The following BNC2 variants were observed in gnomAD, a reference collection of about 807,000 sequenced individuals.
BNC2 encodes basonuclin zinc finger protein 2, also known as zinc finger protein basonuclin-2.
In BNC2, 20 loss-of-function variants were observed where a neutral mutation model predicts 76.3. The observed-to-expected ratio is 0.26, with a 90% CI of 0.18 to 0.38. The LOEUF is 0.38. Ranked by LOEUF, BNC2 falls within the 10% of genes least tolerant of loss-of-function variation. The pLI is 1.00. For missense variants in BNC2, 1,382 were observed against 1,399.8 expected (o/e 0.99, Z 0.20); for synonymous variants, 582 against 514.8 (o/e 1.13, Z -1.77).
rs1234119765 is a variant in BNC2, at chr9:16,522,652, TA to T, written c.669+29877del. On this transcript the variant is annotated intron_variant, in intron 5 of 6. Coordinates refer to ENST00000380672, the MANE Select transcript of BNC2 (RefSeq NM_017637.6). The stretch of plus-strand genomic sequence containing the variant: ...GTGTTTTTTAAGGTTTGAAGCTTTT[TA>T]AAAGAGTTTTAATGTTAAAAACGAT... Among the ~76,000 whole-genome samples the T allele has an allele frequency of 2.6e-5, 4 of 152,336 alleles. No homozygotes were observed. In the South Asian group the frequency reaches 8.3e-4, roughly 32 times the overall value.
At chr9:16,726,002 GCA>G (rs3083820) in intron 3 of BNC2, among the ~76,000 whole-genome samples, 34,152 of 151,138 alleles carry the variant, frequency 0.23, 4,117 homozygotes, top group East Asian at 0.37. Flanking sequence ...ACACACACAC[GCA>G]CACACACACA....
chr9:16,697,737 T>G (rs1237364570), intron 3 of BNC2, among the ~76,000 whole-genome samples: 2 of 150,272 alleles, frequency 1.3e-5, no homozygotes, highest in East Asian at 3.9e-4. Flanking sequence ...AAAAAAAAAG[T>G]ATAGAATGAT....
intron 5 of BNC2, among the ~76,000 whole-genome samples, chr9:16,496,095 G>C (rs1179265970): frequency 6.6e-6 from 1 of 151,752 alleles, no homozygotes; most frequent in African/African-American, 2.4e-5. Context: ...TTTTAGTAGA[G>C]ACAGGGTTTC....
chr9:16,845,236 T>C (rs1818940511), intron 1 of BNC2, among the ~76,000 whole-genome samples: 1 of 152,206 alleles, frequency 6.6e-6, no homozygotes. Context: ...CCTGCATTAA[T>C]TTGACTGACA....
chr9:16,812,523 A>T (rs149641039), intron 1 of BNC2, among the ~76,000 whole-genome samples: 44 of 152,348 alleles, frequency 2.9e-4, no homozygotes, highest in African/African-American at 9.9e-4. Flanking sequence ...ACCTCGTGTC[A>T]TTACCACAGG....
Position 16,618,824 on chromosome 9 carries a change from G to A in BNC2, c.331-35739C>T, listed in dbSNP as rs375938211. On this transcript the variant is annotated intron_variant, in intron 3 of 6. Transcript: ENST00000380672. ...AGCTGAGTGGTTTCATAAAGGTGGA[G>A]GACAACAGTTGCAGCTCAAACAGTC... is the stretch of plus-strand genomic sequence containing the variant. 1.8e-3 allele frequency among the ~76,000 whole-genome samples: 269 copies of A among 152,236 alleles called. 2 individuals are homozygous for A. Among genetic ancestry groups the A allele is most frequent in the African/African-American group, 6.0e-3 (249 of 41,536 alleles).
chr9:16,779,630 T>C (rs1826067472), intron 1 of BNC2, among the ~76,000 whole-genome samples: 1 of 152,090 alleles, frequency 6.6e-6, no homozygotes, highest in African/African-American at 2.4e-5. Flanking sequence ...CTGTGACCTA[T>C]CCATACAATG....
chr9:16,508,614 C>T (rs923816112), intron 5 of BNC2, among the ~76,000 whole-genome samples: 1 of 152,144 alleles, frequency 6.6e-6, no homozygotes, highest in Admixed American at 6.5e-5. Context: ...AAATTTTCAT[C>T]CTATTGTTCC....
chr9:16,834,829 A>G (rs559553055), intron 1 of BNC2, among the ~76,000 whole-genome samples: 16 of 152,188 alleles, frequency 1.1e-4, no homozygotes, highest in Non-Finnish European at 1.9e-4. Context: ...GTATGAAAAC[A>G]GATTCCCCCA....
At chr9:16,465,050 G>A (rs1001642045) in intron 5 of BNC2, among the ~76,000 whole-genome samples, 6 of 152,242 alleles carry the variant, frequency 3.9e-5, no homozygotes, top group South Asian at 4.1e-4. Context: ...ATGGCTCCCT[G>A]TCTTCCAGAA....
At chr9:16,647,610 T>G (rs1361400107) in intron 3 of BNC2, among the ~76,000 whole-genome samples, 1 of 152,118 alleles carries the variant, frequency 6.6e-6, no homozygotes, top group Non-Finnish European at 1.5e-5. Flanking sequence ...TTGATCCAAG[T>G]GCAACCATGA....
At chr9:16,850,356 T>C (rs923023998) in intron 1 of BNC2, among the ~76,000 whole-genome samples, 1 of 152,204 alleles carries the variant, frequency 6.6e-6, no homozygotes, top group East Asian at 1.9e-4. Flanking sequence ...GCACAAAATA[T>C]GATACCAATT....
intron 5 of BNC2, chr9:16,473,208 T>C (rs1045145328): frequency 6.6e-6 from 1 of 152,226 alleles, no homozygotes; most frequent in South Asian, 2.1e-4. Context: ...ATTAGCATTA[T>C]ACAGTGGAAT....
Position 16,609,139 on chromosome 9 carries a change from C to T in BNC2, c.331-26054G>A, listed in dbSNP as rs148549335. On this transcript the variant is annotated intron_variant, in intron 3 of 6. Coordinates refer to ENST00000380672, the MANE Select transcript of BNC2 (RefSeq NM_017637.6). ...CTGATTGCCTAGAGAAAAGTGCACCCCAGGGGACCTTTCGGAGCCACTTTT... is the reference window on the plus strand; with the variant it reads ...CTGATTGCCTAGAGAAAAGTGCACCTCAGGGGACCTTTCGGAGCCACTTTT... 3.7e-3 allele frequency among the ~76,000 whole-genome samples: 563 copies of T among 152,230 alleles called. 4 individuals carry two copies. The highest frequency in any genetic ancestry group is 0.012 in the African/African-American group (518 of 41,542).
chr9:16,545,872 C>T (rs1217650694), intron 5 of BNC2, among the ~76,000 whole-genome samples: 2 of 152,144 alleles, frequency 1.3e-5, no homozygotes, highest in African/African-American at 2.4e-5. Flanking sequence ...AGCCATAAAA[C>T]AGCAATAGCC....
intron 1 of BNC2, among the ~76,000 whole-genome samples, chr9:16,803,340 T>C (rs1296241620): frequency 3.3e-5 from 5 of 152,204 alleles, no homozygotes; most frequent in Non-Finnish European, 7.3e-5. Flanking sequence ...ATATTTCACC[T>C]AACAGCTAAT....
intron 5 of BNC2, among the ~76,000 whole-genome samples, chr9:16,510,269 C>G (rs905535327): frequency 2.0e-5 from 3 of 152,218 alleles, no homozygotes; most frequent in Non-Finnish European, 4.4e-5. Flanking sequence ...GGTGGACAGC[C>G]TCCTGCTAGG....
At chr9:16,738,239 AAGTATGAAAGAC>A in intron 2 of BNC2, 109 bp downstream of exon 2, 1 of 1,082,350 alleles carries the variant, frequency 9.2e-7, no homozygotes. Context: ...GAATGAGGAT[AAGTATGAAAGAC>A]AGTAAAAGAG....
chr9:16,477,633 A>C (rs1322087188), intron 5 of BNC2, among the ~76,000 whole-genome samples: 1 of 152,172 alleles, frequency 6.6e-6, no homozygotes, highest in African/African-American at 2.4e-5. Context: ...TTTCCTTATA[A>C]CCCTAAAAAA....
Sources: gnomAD v4.1 joint callset for allele counts (sites outside exome capture counted in the v4.1 genomes callset) on GRCh38, gnomAD v4.1.1 for gene constraint, MANE v1.5 for transcripts, NCBI Gene and HGNC (gene_info 2026-07-23, HGNC 2026-07-21) for gene names.